The following MAK variants were observed in gnomAD, a reference collection of about 807,000 sequenced individuals.
MAK encodes the protein serine/threonine-protein kinase MAK.
A neutral mutation model predicts 82.6 loss-of-function variants in MAK; 65 were observed. That is an observed-to-expected ratio of 0.79 (90% confidence interval 0.64 to 0.97). The LOEUF (loss-of-function observed/expected upper bound fraction) is 0.97. MAK is among the 50% of genes least tolerant of loss of function. The pLI is 0.00. For missense variants in MAK, 703 were observed against 780.2 expected (o/e 0.90, Z 1.18); for synonymous variants, 250 against 274.2 (o/e 0.91, Z 0.87).
At position 10,803,931 on chromosome 6, in the gene MAK, A is replaced by G. The variant is rs75744805; in HGVS notation, c.492-40T>C. ...AACAAAAGAGGTAATTTTGATTGCA[A>G]TTTCAAAGGTGGATGGGCAGTAGCA... On this transcript the variant is annotated intron_variant, in intron 6 of 14. Coordinates refer to ENST00000354489, the MANE Select transcript of MAK (RefSeq NM_001242957.3). 4.2e-5 allele frequency: 66 copies of G among 1,575,982 alleles called. No individual in the cohort carries two copies. In the East Asian group the frequency reaches 4.7e-4, roughly 11 times the overall value.
intron 11 of MAK, 66 bp downstream of exon 11, chr6:10,784,358 C>T (rs560890774): frequency 6.4e-7 from 1 of 1,568,614 alleles, no homozygotes; most frequent in East Asian, 2.2e-5. Context: ...TTGGAGATTC[C>T]AAGACACTTG....
At chr6:10,789,804 C>T (rs1230579721) in intron 10 of MAK, among the ~76,000 whole-genome samples, 1 of 152,022 alleles carries the variant, frequency 6.6e-6, no homozygotes, top group Non-Finnish European at 1.5e-5. Flanking sequence ...TACAGGCGCC[C>T]GCCACCACAC....
rs1311525419 is a variant in MAK, at chr6:10,767,398, TAGAAC to T, written c.1792+2708_1792+2712del. Among the ~76,000 whole-genome samples, 8 of 152,128 alleles carry T rather than the reference TAGAAC, an allele frequency of 5.3e-5. No individual in the cohort carries two copies. The East Asian group carries it at 1.3e-3, about 26-fold the overall frequency. On this transcript the variant is annotated intron_variant, in intron 14 of 14. Transcript: ENST00000354489. ...TAAAGTGATCCTAAAGGGTGCTGTG[TAGAAC>T]AGAAGTCACTCCTCGAAGTCCTTGT...
chr6:10,822,519 T>G (rs1328932593), intron 2 of MAK, among the ~76,000 whole-genome samples: 1 of 152,220 alleles, frequency 6.6e-6, no homozygotes, highest in Non-Finnish European at 1.5e-5. Flanking sequence ...TCTTCTTCTT[T>G]CCAGCAATTA....
At chr6:10,821,761 A>G (rs995155957) in intron 2 of MAK, among the ~76,000 whole-genome samples, 4 of 148,792 alleles carry the variant, frequency 2.7e-5, no homozygotes, top group Non-Finnish European at 6.0e-5. Context: ...CTTGAGCTCA[A>G]AAGTTAGAGG....
intron 5 of MAK, among the ~76,000 whole-genome samples, chr6:10,811,533 A>G (rs1776931653): frequency 6.6e-6 from 1 of 152,210 alleles, no homozygotes; most frequent in Admixed American, 6.5e-5. Flanking sequence ...GACGTTGCTG[A>G]CAGCATAAAT....
chr6:10,805,591 G>A (rs1172470919), intron 6 of MAK, among the ~76,000 whole-genome samples: 1 of 150,854 alleles, frequency 6.6e-6, no homozygotes, highest in Non-Finnish European at 1.5e-5. Context: ...AAAAAAAGAA[G>A]TTTGGTGATG....
intron 4 of MAK, 25 bp downstream of exon 4, chr6:10,817,825 G>C (rs758128346): frequency 1.3e-5 from 19 of 1,463,892 alleles, no homozygotes; most frequent in Middle Eastern, 1.8e-4. Flanking sequence ...GAGAATAACA[G>C]GGAAAAACAT....
chr6:10,797,878 G>A, intron 8 of MAK: 1 of 1,282,478 alleles, frequency 7.8e-7, no homozygotes, highest in African/African-American at 1.5e-5. Context: ...GCAGGGCTGT[G>A]AAACAGAGCA....
At chr6:10,785,059 G>T (rs1180587463) in intron 10 of MAK, 2 of 427,476 alleles carry the variant, frequency 4.7e-6, no homozygotes, top group African/African-American at 4.0e-5. Flanking sequence ...ACAGAAAATA[G>T]GTATTTGTGG....
chr6:10,769,940 C>T, intron 14 of MAK, 171 bp downstream of exon 14: 1 of 1,269,740 alleles, frequency 7.9e-7, no homozygotes, highest in Non-Finnish European at 1.1e-6. Context: ...ACCCTCAAAT[C>T]CTCATTTTTG....
chr6:10,770,945 C>T (rs772548670), intron 13 of MAK, among the ~76,000 whole-genome samples: 10 of 151,922 alleles, frequency 6.6e-5, no homozygotes, highest in Non-Finnish European at 1.5e-4. Flanking sequence ...AGCAGGTTCA[C>T]GGGGTGGAGG....
intron 4 of MAK, among the ~76,000 whole-genome samples, chr6:10,814,378 T>G (rs1030423606): frequency 6.6e-6 from 1 of 151,948 alleles, no homozygotes; most frequent in Non-Finnish European, 1.5e-5. Context: ...CTTGAAGAAT[T>G]TGAGAGATGG....
At chr6:10,789,258 G>C (rs1472535690) in intron 10 of MAK, among the ~76,000 whole-genome samples, 1 of 151,832 alleles carries the variant, frequency 6.6e-6, no homozygotes, top group Non-Finnish European at 1.5e-5. Flanking sequence ...ATGCCAAAGA[G>C]CTCCTGGATA....
intron 14 of MAK, 154 bp downstream of exon 14, chr6:10,769,957 A>G: frequency 7.0e-7 from 1 of 1,420,952 alleles, no homozygotes. Context: ...TTTGGAAGAA[A>G]AATAGGACAT....
chr6:10,780,805 G>A (rs750868731), intron 11 of MAK, among the ~76,000 whole-genome samples: 1 of 152,126 alleles, frequency 6.6e-6, no homozygotes, highest in Non-Finnish European at 1.5e-5. Flanking sequence ...TATCTCTCAT[G>A]AACCTATGTT....
chr6:10,794,949 A>G (rs559722014), intron 9 of MAK, among the ~76,000 whole-genome samples: 2 of 151,752 alleles, frequency 1.3e-5, no homozygotes, highest in African/African-American at 4.8e-5. Context: ...CTGAGATCAC[A>G]CCATTGCACT....
intron 4 of MAK, among the ~76,000 whole-genome samples, chr6:10,815,912 G>GCATATATATATATATATATA (rs1554184486): frequency 9.2e-6 from 1 of 108,322 alleles, no homozygotes; most frequent in Non-Finnish European, 1.8e-5. Flanking sequence ...GCTTTATACA[G>GCATATATATATATATATATA]TATATATATA....
intron 5 of MAK, among the ~76,000 whole-genome samples, chr6:10,810,356 T>TC (rs1776833155): frequency 6.9e-6 from 1 of 144,838 alleles, no homozygotes; most frequent in South Asian, 2.2e-4. Context: ...TTTTTTTTTT[T>TC]TTTTTTTTGT....
Sources: allele counts gnomAD v4.1 joint callset (sites outside exome capture counted in the v4.1 genomes callset), GRCh38; gene constraint gnomAD v4.1.1; transcripts MANE v1.5; gene names NCBI Gene and HGNC (gene_info 2026-07-23, HGNC 2026-07-21).